Variants in LRRC4C observed in about 807,000 individuals in gnomAD.
LRRC4C encodes the protein leucine-rich repeat-containing protein 4C.
In LRRC4C, 5 loss-of-function variants were observed where a neutral mutation model predicts 33.6. That is an observed-to-expected ratio of 0.15 (90% confidence interval 0.08 to 0.31). The LOEUF is 0.31. Ranked by LOEUF, LRRC4C falls within the 10% of genes least tolerant of loss-of-function variation. LRRC4C has a pLI of 1.00. For missense variants in LRRC4C, 560 were observed against 796.7 expected (o/e 0.70, Z 3.58); for synonymous variants, 329 against 302.0 (o/e 1.09, Z -0.93).
chr11:40,727,070 A>G (rs1283148685), intron 2 of LRRC4C, among the ~76,000 whole-genome samples: 1 of 152,194 alleles, frequency 6.6e-6, no homozygotes, highest in Non-Finnish European at 1.5e-5. Context: ...TACAAGGAGA[A>G]CTAGAAAACA....
In LRRC4C at chr11:40,148,521, C is replaced by T. The variant is rs58959110; in HGVS notation, c.-95-7668G>A. On this transcript the variant is annotated intron_variant, in intron 5 of 6. Transcript: ENST00000528697. ...GTTCATGTCCTTTGCCCTCTTTTAA[C>T]GGAGTTATTTGTTATTTTCTTGTAA... Among the ~76,000 whole-genome samples, 561 of 151,858 alleles carry T rather than the reference C, an allele frequency of 3.7e-3. 5 individuals carry two copies. The highest frequency in any genetic ancestry group is 0.012 in the African/African-American group (505 of 41,432).
intron 1 of LRRC4C, among the ~76,000 whole-genome samples, chr11:41,397,264 T>G (rs1171728157): frequency 2.0e-5 from 3 of 151,896 alleles, no homozygotes; most frequent in African/African-American, 4.8e-5. Context: ...CTGCCTCCTC[T>G]TCCACCTCCT....
chr11:41,053,046 A>G lies in LRRC4C; in HGVS notation c.-495-119323T>C, dbSNP rs547752550. On this transcript the variant is annotated intron_variant, in intron 1 of 6. Transcript: ENST00000528697. ...TTCTGGGCACTATCAGAATAGAGCCATAAACTAGGCAAGAGCCATTGATTC... is the reference window on the plus strand; with the variant it reads ...TTCTGGGCACTATCAGAATAGAGCCGTAAACTAGGCAAGAGCCATTGATTC... Among the ~76,000 whole-genome samples the G allele has an allele frequency of 2.0e-5, 3 of 152,302 alleles. No homozygotes were observed. In the East Asian group the frequency reaches 5.8e-4, roughly 29 times the overall value.
intron 3 of LRRC4C, among the ~76,000 whole-genome samples, chr11:40,526,171 G>T (rs1029922178): frequency 1.3e-5 from 2 of 151,900 alleles, no homozygotes; most frequent in African/African-American, 2.4e-5. Context: ...ATTTATTTTG[G>T]CTAGACAAAA....
intron 1 of LRRC4C, among the ~76,000 whole-genome samples, chr11:41,048,510 T>C (rs1462728034): frequency 6.6e-6 from 1 of 151,950 alleles, no homozygotes. Context: ...TGATCCACCC[T>C]CCTCGGTCTC....
chr11:40,426,695 G>T (rs1029329020), intron 3 of LRRC4C, among the ~76,000 whole-genome samples: 24 of 152,154 alleles, frequency 1.6e-4, no homozygotes, highest in African/African-American at 5.8e-4. Context: ...GGATGTTGTT[G>T]ATTTTGTTCA....
At chr11:41,225,036 A>T (rs2136414698) in intron 1 of LRRC4C, among the ~76,000 whole-genome samples, 1 of 152,272 alleles carries the variant, frequency 6.6e-6, no homozygotes, top group South Asian at 2.1e-4. Flanking sequence ...AGAAAGACAA[A>T]CATCACACGT....
At chr11:40,130,592 A>G (rs1039234046) in intron 6 of LRRC4C, among the ~76,000 whole-genome samples, 2 of 152,066 alleles carry the variant, frequency 1.3e-5, no homozygotes, top group Admixed American at 6.6e-5. Flanking sequence ...TACTGCCTCT[A>G]CCCACTAGAT....
intron 3 of LRRC4C, among the ~76,000 whole-genome samples, chr11:40,492,467 A>G (rs11035868): frequency 0.13 from 19,370 of 152,008 alleles, 1,399 homozygotes; most frequent in African/African-American, 0.18. Context: ...TTGTTTGTAT[A>G]TTTTGATTTT....
chr11:40,286,862 G>T (rs764256465), intron 4 of LRRC4C, among the ~76,000 whole-genome samples: 1 of 152,152 alleles, frequency 6.6e-6, no homozygotes, highest in Non-Finnish European at 1.5e-5. Context: ...TCTTGAAGTA[G>T]TTCCCCTACA....
At chr11:40,544,464 T>C (rs1435915124) in intron 3 of LRRC4C, among the ~76,000 whole-genome samples, 3 of 152,090 alleles carry the variant, frequency 2.0e-5, no homozygotes, top group African/African-American at 7.2e-5. Flanking sequence ...ACCTACTTCA[T>C]TGATTGCAGA....
intron 3 of LRRC4C, among the ~76,000 whole-genome samples, chr11:40,431,893 G>C (rs1051932129): frequency 6.6e-6 from 1 of 152,024 alleles, no homozygotes; most frequent in Non-Finnish European, 1.5e-5. Flanking sequence ...ATCATAACTC[G>C]CAGTACTGAA....
chr11:40,298,893 CATGGGGGGAA>C (rs1944640487), intron 4 of LRRC4C, among the ~76,000 whole-genome samples: 2 of 152,070 alleles, frequency 1.3e-5, no homozygotes, highest in South Asian at 4.1e-4. Flanking sequence ...TTGAAAAGAG[CATGGGGGGAA>C]ATGCTCCCAT....
In LRRC4C at chr11:40,497,400, A is replaced by C. The variant is rs558287016; in HGVS notation, c.-270+150742T>G. 3.2e-3 allele frequency among the ~76,000 whole-genome samples: 493 copies of C among 151,848 alleles called. 1 individual carries two copies. Among genetic ancestry groups the C allele is most frequent in the African/African-American group, 0.012 (478 of 41,300 alleles). ...GCCTGGGCAACAAAAGTAAAATTCCATTAAAAAAAAAAGTCATGAATTATT... is the reference window on the plus strand; with the variant it reads ...GCCTGGGCAACAAAAGTAAAATTCCCTTAAAAAAAAAAGTCATGAATTATT... On this transcript the variant is annotated intron_variant, in intron 3 of 6. Transcript: ENST00000528697.
chr11:41,161,128 A>G (rs906456051), intron 1 of LRRC4C, among the ~76,000 whole-genome samples: 6 of 152,176 alleles, frequency 3.9e-5, no homozygotes, highest in African/African-American at 9.7e-5. Flanking sequence ...GATAACTACA[A>G]TCAAGAAATA....
At chr11:40,467,235 C>T (rs1301948319) in intron 3 of LRRC4C, among the ~76,000 whole-genome samples, 1 of 151,932 alleles carries the variant, frequency 6.6e-6, no homozygotes, top group Non-Finnish European at 1.5e-5. Context: ...GTTGAAAATC[C>T]CACTTCTTTT....
intron 1 of LRRC4C, among the ~76,000 whole-genome samples, chr11:41,427,882 C>T (rs1317764199): frequency 6.6e-6 from 1 of 152,120 alleles, no homozygotes; most frequent in African/African-American, 2.4e-5. Flanking sequence ...CTTCTCCTGG[C>T]TCAGCCTGGC....
chr11:40,733,218 G>A (rs1010375262), intron 2 of LRRC4C, among the ~76,000 whole-genome samples: 1 of 151,532 alleles, frequency 6.6e-6, no homozygotes, highest in African/African-American at 2.4e-5. Flanking sequence ...TGGGACAACA[G>A]GCGCCTGCCA....
At chr11:40,713,874 T>C (rs1229398342) in intron 2 of LRRC4C, among the ~76,000 whole-genome samples, 1 of 152,228 alleles carries the variant, frequency 6.6e-6, no homozygotes, top group African/African-American at 2.4e-5. Context: ...CCACCTAGTA[T>C]GTATGCCCTC....
Sources: allele counts gnomAD v4.1 joint callset (sites outside exome capture counted in the v4.1 genomes callset), GRCh38; gene constraint gnomAD v4.1.1; transcripts MANE v1.5; gene names NCBI Gene and HGNC (gene_info 2026-07-23, HGNC 2026-07-21).